The following HS6ST2 variants were observed in gnomAD, a reference collection of about 807,000 sequenced individuals.
HS6ST2 encodes heparan-sulfate 6-O-sulfotransferase 2.
Under a neutral mutation model 33.0 loss-of-function variants are expected in HS6ST2, and 17 were observed. The ratio of observed to expected loss-of-function variants is 0.52; its 90% CI spans 0.35 to 0.77. The LOEUF is 0.77. HS6ST2 is among the 30% of genes least tolerant of loss of function. The pLI is 0.01. For synonymous variants in HS6ST2, 248 were observed against 237.1 expected, an observed-to-expected ratio of 1.05 and a Z score of -0.42; for missense variants, 519 against 551.7, an observed-to-expected ratio of 0.94 and a Z score of 0.59.
intron 2 of HS6ST2, among the ~76,000 whole-genome samples, chrX:132,928,743 T>C (rs1472618964): frequency 9.0e-6 from 1 of 111,344 alleles, no homozygotes; most frequent in East Asian, 2.8e-4. Context: ...CAGTAGTCTA[T>C]GAACTCTCCA....
At position 132,820,803 on chromosome X, in the gene HS6ST2, G is replaced by A. The variant is rs558873233; in HGVS notation, c.948-112309C>T. Among the ~76,000 whole-genome samples the A allele has an allele frequency of 4.5e-5, 5 of 110,879 alleles. No homozygotes were observed. The South Asian group carries it at 1.6e-3, about 35-fold the overall frequency. ...CTCTTCCATTCAATCAGAATTGAAA[G>A]GTCATTAGGCTGATGATAGGGTATG... On this transcript the variant is annotated intron_variant, in intron 2 of 4. Coordinates refer to ENST00000370833, the MANE Select transcript of HS6ST2 (RefSeq NM_001394073.1).
chrX:132,646,139 C>A (rs948767463), intron 4 of HS6ST2, among the ~76,000 whole-genome samples: 1 of 111,916 alleles, frequency 8.9e-6, no homozygotes, highest in African/African-American at 3.3e-5. Flanking sequence ...TTCTACAACA[C>A]CATAATGGGA....
chrX:132,898,824 G>T (rs754825275), intron 2 of HS6ST2, among the ~76,000 whole-genome samples: 2 of 111,254 alleles, frequency 1.8e-5, no homozygotes, highest in East Asian at 5.7e-4. Flanking sequence ...AGCTCTGGAG[G>T]TCTTCAGATG....
At chrX:132,820,629 C>T (rs956043208) in intron 2 of HS6ST2, among the ~76,000 whole-genome samples, 1 of 111,915 alleles carries the variant, frequency 8.9e-6, no homozygotes, top group Non-Finnish European at 1.9e-5. Flanking sequence ...AAAGGAGCTT[C>T]AGATGGCTGC....
intron 2 of HS6ST2, among the ~76,000 whole-genome samples, chrX:132,931,281 C>T (rs892447502): frequency 1.8e-5 from 2 of 111,236 alleles, no homozygotes; most frequent in African/African-American, 3.3e-5. Flanking sequence ...ATGTATCTCC[C>T]CAGGAGACCA....
intron 4 of HS6ST2, among the ~76,000 whole-genome samples, chrX:132,643,899 G>A (rs2063620921): frequency 8.9e-6 from 1 of 111,832 alleles, no homozygotes; most frequent in Non-Finnish European, 1.9e-5. Context: ...CATTTACTGT[G>A]AGGACATGTC....
intron 2 of HS6ST2, among the ~76,000 whole-genome samples, chrX:132,850,393 C>T (rs146588933): frequency 3.6e-3 from 399 of 111,332 alleles, no homozygotes; most frequent in African/African-American, 0.012. Flanking sequence ...TTCTAAGAAG[C>T]AGAGAGTCAG....
At chrX:132,749,419 G>A (rs1173460290) in intron 2 of HS6ST2, among the ~76,000 whole-genome samples, 1 of 112,928 alleles carries the variant, frequency 8.9e-6, no homozygotes, top group African/African-American at 3.2e-5. Flanking sequence ...CAAATAAAAT[G>A]TGGTCCCACA....
intron 4 of HS6ST2, among the ~76,000 whole-genome samples, chrX:132,666,467 A>G (rs1273463010): frequency 1.8e-5 from 2 of 111,536 alleles, no homozygotes; most frequent in Admixed American, 9.5e-5. Flanking sequence ...TTTTACCAAA[A>G]TTGTTCATTT....
chrX:132,805,987 A>G (rs2065278307), intron 2 of HS6ST2, among the ~76,000 whole-genome samples: 5 of 109,927 alleles, frequency 4.5e-5, no homozygotes, highest in Admixed American at 1.9e-4. Flanking sequence ...TCCAATCTTG[A>G]TATTCTAAGA....
chrX:132,870,305 A>C (rs1401873225), intron 2 of HS6ST2, among the ~76,000 whole-genome samples: 1 of 111,951 alleles, frequency 8.9e-6, no homozygotes, highest in African/African-American at 3.2e-5. Flanking sequence ...ATTTTCATGG[A>C]TAGGAAGAAT....
intron 2 of HS6ST2, among the ~76,000 whole-genome samples, chrX:132,866,332 A>G (rs760904745): frequency 9.6e-6 from 1 of 104,415 alleles, no homozygotes; most frequent in East Asian, 3.1e-4. Flanking sequence ...TGTTCCATTG[A>G]TCTATATCTC....
intron 4 of HS6ST2, among the ~76,000 whole-genome samples, chrX:132,657,005 C>T (rs1012464249): frequency 9.0e-6 from 1 of 111,280 alleles, no homozygotes; most frequent in Admixed American, 9.6e-5. Flanking sequence ...TACCTCTTTT[C>T]GTCCTTTTTC....
intron 3 of HS6ST2, among the ~76,000 whole-genome samples, chrX:132,692,967 T>C (rs1191581494): frequency 6.2e-5 from 7 of 112,021 alleles, no homozygotes; most frequent in Middle Eastern, 9.2e-3. Flanking sequence ...GGATGGCATA[T>C]AACTGTTAAG....
At chrX:132,630,727 G>T (rs1361326907) in intron 4 of HS6ST2, among the ~76,000 whole-genome samples, 1 of 111,378 alleles carries the variant, frequency 9.0e-6, no homozygotes, top group Non-Finnish European at 1.9e-5. Flanking sequence ...TGGGTGGGTT[G>T]CTTGAGGTAA....
intron 3 of HS6ST2, among the ~76,000 whole-genome samples, chrX:132,692,305 C>G (rs1218635454): frequency 1.8e-5 from 2 of 111,190 alleles, no homozygotes; most frequent in African/African-American, 6.5e-5. Context: ...ATCACTTCCC[C>G]GCTTTCACAC....
intron 2 of HS6ST2, among the ~76,000 whole-genome samples, chrX:132,787,338 G>T (rs1280047601): frequency 2.1e-5 from 2 of 94,497 alleles, no homozygotes; most frequent in Non-Finnish European, 4.1e-5. Context: ...TGTCGCCCAG[G>T]CTGGAGTGCA....
intron 2 of HS6ST2, among the ~76,000 whole-genome samples, chrX:132,904,299 T>C (rs1460512785): frequency 1.8e-5 from 2 of 111,512 alleles, no homozygotes; most frequent in Non-Finnish European, 3.8e-5. Context: ...CCTCGTGTGT[T>C]GTTTAGCATT....
At chrX:132,929,036 C>T (rs1269176834) in intron 2 of HS6ST2, among the ~76,000 whole-genome samples, 1 of 109,591 alleles carries the variant, frequency 9.1e-6, no homozygotes, top group East Asian at 2.9e-4. Flanking sequence ...CAGATGCAAC[C>T]AAAGCAACAA....
Sources: allele counts gnomAD v4.1 joint callset (sites outside exome capture counted in the v4.1 genomes callset), GRCh38; gene constraint gnomAD v4.1.1; transcripts MANE v1.5; gene names NCBI Gene and HGNC (gene_info 2026-07-23, HGNC 2026-07-21).